Variants in CLDN12 observed in about 807,000 individuals in gnomAD.
The protein encoded by CLDN12 is claudin 12.
A neutral mutation model predicts 15.5 loss-of-function variants in CLDN12; 9 were observed. That is an observed-to-expected ratio of 0.58 (90% CI 0.35 to 1.02). CLDN12 has a LOEUF of 1.02. Ranked by LOEUF, CLDN12 falls within the 50% of genes least tolerant of loss-of-function variation. The pLI is 0.02. For synonymous variants in CLDN12, 140 were observed against 121.6 expected (o/e 1.15, Z -1.00); for missense variants, 233 against 297.3 (o/e 0.78, Z 1.59).
chr7:90,415,765 G>T lies in CLDN12; in HGVS notation c.*2354G>T, dbSNP rs545732176. The T allele has an allele frequency of 4.0e-4, 67 of 167,072 alleles. No homozygotes were observed. The highest frequency in any genetic ancestry group is 1.6e-3 in the African/African-American group (65 of 41,538). 10.3% of individuals were successfully genotyped at this position (167,072 alleles called of 1,614,324 possible). ...AAAGGCCTTTTATGGAAACCAACTT[G>T]GAAAACAACCTTAAATGTGGATGTA... On this transcript the variant is annotated 3_prime_UTR_variant, in exon 4 of 4. Coordinates refer to ENST00000496677, the MANE Select transcript of CLDN12 (RefSeq NM_001185072.3).
Position 90,414,006 on chromosome 7 carries a change from TAGAATA to T in CLDN12, c.*599_*604del, listed in dbSNP as rs552639099. ...AAAGTAAAACGTATTTTAACGATGT[TAGAATA>T]AGACTACCATTCTAAATATCACCTA... On this transcript the variant is annotated 3_prime_UTR_variant, in exon 4 of 4. Transcript: ENST00000496677. 6.7e-5 allele frequency: 65 copies of T among 975,590 alleles called. No individual in the cohort carries two copies. The Admixed American group carries it at 1.4e-3, about 21-fold the overall frequency. 60.4% of individuals were successfully genotyped at this position (975,590 alleles called of 1,614,324 possible).
At chr7:90,410,131 C>T (rs1179496118) in intron 2 of CLDN12, among the ~76,000 whole-genome samples, 1 of 150,858 alleles carries the variant, frequency 6.6e-6, no homozygotes, top group Non-Finnish European at 1.5e-5. Context: ...GCAAAGACCA[C>T]CAGAGAGCTG....
chr7:90,415,105 C>T lies in CLDN12; in HGVS notation c.*1694C>T, dbSNP rs1202086053. The stretch of plus-strand genomic sequence containing the variant: ...GTGTAGATGTATTTGGTACTTTTTC[C>T]CCTAATTCCAACACTAGTTTATATA... On this transcript the variant is annotated 3_prime_UTR_variant, in exon 4 of 4. Transcript: ENST00000496677. 2 of 166,310 alleles carry T rather than the reference C, an allele frequency of 1.2e-5. No individual in the cohort carries two copies. The highest frequency in any genetic ancestry group is 2.9e-5 in the Non-Finnish European group (2 of 68,064). 10.3% of individuals were successfully genotyped at this position (166,310 alleles called of 1,614,324 possible).
rs1324237708 is a variant in CLDN12, at chr7:90,413,777, C to G, written c.*366C>G. 28 of 1,018,362 alleles carry G rather than the reference C, an allele frequency of 2.7e-5. No individual in the cohort carries two copies. The highest frequency in any genetic ancestry group is 3.3e-5 in the Non-Finnish European group (28 of 842,532). The allele number at this position is 1,018,362 out of a possible 1,614,324, so 63.1% of individuals were successfully genotyped here. On this transcript the variant is annotated 3_prime_UTR_variant, in exon 4 of 4. Coordinates refer to ENST00000496677, the MANE Select transcript of CLDN12 (RefSeq NM_001185072.3). ...CATGAAAATTTCAGTGTGTATTTTT[C>G]TTTTTCTATAATACCTTTAACTGCA...
rs1421096252 is a variant in CLDN12, at chr7:90,412,793, C to T, written c.117C>T (p.Ile39=). 5 of 1,614,196 alleles carry T rather than the reference C, an allele frequency of 3.1e-6. No homozygotes were observed. The highest frequency in any genetic ancestry group is 4.2e-6 in the Non-Finnish European group (5 of 1,180,038). The stretch of plus-strand genomic sequence containing the variant: ...CCAACTGGAGAAAATTACGATTGAT[C>T]ACATTCAACAGAAACGAGAAGAACC... ...LLPNWRKLRL[I]TFNRNEKNLT... Residue 39 remains isoleucine, a synonymous_variant, in exon 4 of 4, where the codon ATC becomes ATT. Transcript: ENST00000496677.
At chr7:90,404,636 T>C (rs897702020) in intron 1 of CLDN12, among the ~76,000 whole-genome samples, 10 of 152,146 alleles carry the variant, frequency 6.6e-5, no homozygotes, top group Non-Finnish European at 1.2e-4. Context: ...AGAAAATTTC[T>C]TTTACTTCCA....
chr7:90,410,969 C>A (rs529062323), intron 2 of CLDN12, among the ~76,000 whole-genome samples: 1 of 151,936 alleles, frequency 6.6e-6, no homozygotes, highest in South Asian at 2.1e-4. Flanking sequence ...TGCACTCTAG[C>A]CTGGGCAACA....
At chr7:90,412,497 G>C (rs1796987073) in intron 3 of CLDN12, 147 bp from the exon 4 acceptor site, 7 of 651,650 alleles carry the variant, frequency 1.1e-5, no homozygotes. Context: ...ATATACATTT[G>C]TACTGTACAG....
Position 90,413,514 on chromosome 7 carries a change from A to G in CLDN12, c.*103A>G. On this transcript the variant is annotated 3_prime_UTR_variant, in exon 4 of 4. Coordinates refer to ENST00000496677, the MANE Select transcript of CLDN12 (RefSeq NM_001185072.3). ...CATACATTTTCCTTTGTTTTTGACC[A>G]ATCAATGAAGCCAAATTTATATGTC... 1 of 1,508,122 alleles carries G rather than the reference A, an allele frequency of 6.6e-7. No individual in the cohort carries two copies. Among genetic ancestry groups the G allele is most frequent in the Non-Finnish European group, 8.8e-7 (1 of 1,131,456 alleles). 93.4% of individuals were successfully genotyped at this position (1,508,122 alleles called of 1,614,324 possible).
chr7:90,412,535 CTT>C, intron 3 of CLDN12, 107 bp from the exon 4 acceptor site: 2 of 869,212 alleles, frequency 2.3e-6, no homozygotes, highest in East Asian at 2.4e-5. Context: ...GACTTTCCCT[CTT>C]TGCATTGACA....
chr7:90,407,706 T>A (rs1796868460), intron 2 of CLDN12, among the ~76,000 whole-genome samples: 1 of 152,118 alleles, frequency 6.6e-6, no homozygotes, highest in African/African-American at 2.4e-5. Context: ...TACCACAGCA[T>A]ATAACCAGGG....
At chr7:90,410,050 A>T (rs1325562925) in intron 2 of CLDN12, among the ~76,000 whole-genome samples, 3 of 152,154 alleles carry the variant, frequency 2.0e-5, no homozygotes, top group Non-Finnish European at 2.9e-5. Flanking sequence ...ATACTCGTTT[A>T]TTCAAATAAT....
intron 1 of CLDN12, among the ~76,000 whole-genome samples, 198 bp from the exon 2 acceptor site, chr7:90,405,321 A>C (rs1404345015): frequency 1.3e-5 from 2 of 152,148 alleles, no homozygotes; most frequent in East Asian, 3.8e-4. Flanking sequence ...TCAGCTTCCC[A>C]AAGTGTTGGG....
chr7:90,412,917 C>A lies in CLDN12; in HGVS notation c.241C>A (p.Leu81Met), dbSNP rs1796996253. 1.9e-6 allele frequency: 3 copies of A among 1,614,130 alleles called. No individual in the cohort carries two copies. Among genetic ancestry groups the A allele is most frequent in the Non-Finnish European group, 2.5e-6 (3 of 1,180,056 alleles). ...TACTTGGTACTCATCAGTTGACCAG[C>A]TGGACCTGCGTGTCCTCCAGTTTGC... The part of the protein sequence containing the change: ...DTTWYSSVDQ[L>M]DLRVLQFALP... The change falls in exon 4 of 4, where the codon CTG becomes ATG. Residue 81 changes from leucine (L) to methionine (M), a missense_variant. Transcript: ENST00000496677.
rs1029180653 is a variant in CLDN12, at chr7:90,414,465, T to A, written c.*1054T>A. On this transcript the variant is annotated 3_prime_UTR_variant, in exon 4 of 4. Coordinates refer to ENST00000496677, the MANE Select transcript of CLDN12 (RefSeq NM_001185072.3). Reference sequence around the variant, plus strand: ...TTTAGTAGGTGCTATAGAGGATACATGAAAAGTATGAGATCTGGTTCCATC... The same window carrying A: ...TTTAGTAGGTGCTATAGAGGATACAAGAAAAGTATGAGATCTGGTTCCATC... 7 of 878,396 alleles carry A rather than the reference T, an allele frequency of 8.0e-6. No homozygotes were observed. In the African/African-American group the frequency reaches 1.3e-4, roughly 16 times the overall value. 54.4% of individuals were successfully genotyped at this position (878,396 alleles called of 1,614,324 possible).
At position 90,408,926 on chromosome 7, in the gene CLDN12, T is replaced by C. The variant is rs938765617; in HGVS notation, c.-76-3081T>C. On this transcript the variant is annotated intron_variant, in intron 2 of 3. Coordinates refer to ENST00000496677, the MANE Select transcript of CLDN12 (RefSeq NM_001185072.3). The stretch of plus-strand genomic sequence containing the variant: ...GAATTTATTTATTTTTCTTAATAAT[T>C]AATTTTTCTTTTTTTTGTAGAGATG... 2.6e-5 allele frequency: 4 copies of C among 152,266 alleles called. No homozygotes were observed. In the South Asian group the frequency reaches 8.3e-4, roughly 32 times the overall value. 9.4% of individuals were successfully genotyped at this position (152,266 alleles called of 1,614,324 possible). A position where few individuals can be genotyped will look rare whatever the true frequency, so the allele number is the denominator to read the frequency against.
intron 2 of CLDN12, among the ~76,000 whole-genome samples, chr7:90,411,730 T>C (rs1156329622): frequency 6.6e-6 from 1 of 152,212 alleles, no homozygotes; most frequent in Non-Finnish European, 1.5e-5. Flanking sequence ...TCATTGGAGA[T>C]GAGCTCATTT....
In CLDN12 at chr7:90,414,422, T is replaced by G; in HGVS notation, c.*1011T>G. On this transcript the variant is annotated 3_prime_UTR_variant, in exon 4 of 4. Transcript: ENST00000496677. ...CCGTCACTGATTATTTCCTTGAGCATATATCTCTGCCTAACACTTTAGTAG... is the reference window on the plus strand; with the variant it reads ...CCGTCACTGATTATTTCCTTGAGCAGATATCTCTGCCTAACACTTTAGTAG... 3 of 997,958 alleles carry G rather than the reference T, an allele frequency of 3.0e-6. No homozygotes were observed. Among genetic ancestry groups the G allele is most frequent in the Non-Finnish European group, 3.6e-6 (3 of 827,896 alleles). The allele number at this position is 997,958 out of a possible 1,614,324, so 61.8% of individuals were successfully genotyped here. A position where few individuals can be genotyped will look rare whatever the true frequency, so the allele number is the denominator to read the frequency against.
Position 90,413,387 on chromosome 7 carries a change from T to C in CLDN12, c.711T>C (p.Ile237=), listed in dbSNP as rs758860405. ...RSRLSAIEID[I]PVVSHTT is the part of the protein sequence containing the mutation. ...GCCTCTCTGCCATTGAAATTGACAT[T>C]CCAGTAGTTTCACACACCACTTAAT... is the stretch of plus-strand genomic sequence containing the variant. Residue 237 remains isoleucine, a synonymous_variant, in exon 4 of 4, where the codon ATT becomes ATC. Transcript: ENST00000496677. The C allele has an allele frequency of 8.1e-6, 13 of 1,613,590 alleles. No homozygotes were observed. The South Asian group carries it at 1.3e-4, about 16-fold the overall frequency.
Sources: allele counts gnomAD v4.1 joint callset (sites outside exome capture counted in the v4.1 genomes callset), GRCh38; gene constraint gnomAD v4.1.1; transcripts MANE v1.5; gene names NCBI Gene and HGNC (gene_info 2026-07-23, HGNC 2026-07-21).